GFRA1: variants seen among roughly 807,000 people sequenced by gnomAD.
GFRA1 encodes GDNF family receptor alpha 1, also known as GDNF family receptor alpha-1.
Under a neutral mutation model 51.6 loss-of-function variants are expected in GFRA1, and 16 were observed. The ratio of observed to expected loss-of-function variants is 0.31; its 90% CI spans 0.21 to 0.47. The LOEUF is 0.47. Ranked by LOEUF, GFRA1 falls within the 20% of genes least tolerant of loss-of-function variation. The pLI is 1.00. For synonymous variants in GFRA1, 270 were observed against 241.3 expected, an observed-to-expected ratio of 1.12 and a Z score of -1.10; for missense variants, 530 against 594.3, an observed-to-expected ratio of 0.89 and a Z score of 1.13.
chr10:116,115,794 G>T (rs1474855061), intron 6 of GFRA1, among the ~76,000 whole-genome samples: 1 of 152,186 alleles, frequency 6.6e-6, no homozygotes, highest in Non-Finnish European at 1.5e-5. Context: ...GGTTAGTTCA[G>T]GCCTGGGCTT....
intron 5 of GFRA1, among the ~76,000 whole-genome samples, chr10:116,169,860 C>T (rs1960856577): frequency 6.6e-6 from 1 of 152,154 alleles, no homozygotes; most frequent in Non-Finnish European, 1.5e-5. Context: ...AACACTTAGC[C>T]ATCCACAGAC....
chr10:116,241,445 A>C (rs1324903570), intron 4 of GFRA1, among the ~76,000 whole-genome samples: 1 of 152,232 alleles, frequency 6.6e-6, no homozygotes. Context: ...TGGTCTCAGA[A>C]GCCTCTGAGC....
intron 5 of GFRA1, among the ~76,000 whole-genome samples, chr10:116,185,774 C>A (rs117111168): frequency 1.3e-5 from 2 of 152,260 alleles, no homozygotes; most frequent in African/African-American, 4.8e-5. Flanking sequence ...ATCATTTGCA[C>A]GGGAATTCTA....
At chr10:116,128,961 T>G (rs926588022) in intron 5 of GFRA1, among the ~76,000 whole-genome samples, 1 of 152,154 alleles carries the variant, frequency 6.6e-6, no homozygotes, top group Non-Finnish European at 1.5e-5. Flanking sequence ...TGACTTAGCC[T>G]CACTTTCTAC....
intron 5 of GFRA1, among the ~76,000 whole-genome samples, chr10:116,147,341 T>C (rs1173481763): frequency 6.6e-6 from 1 of 152,104 alleles, no homozygotes; most frequent in Non-Finnish European, 1.5e-5. Context: ...GCCTGACAGA[T>C]CCTGTGGCAG....
intron 5 of GFRA1, among the ~76,000 whole-genome samples, chr10:116,141,008 A>G (rs2134091895): frequency 6.6e-6 from 1 of 152,372 alleles, no homozygotes; most frequent in East Asian, 1.9e-4. Context: ...ACAGAATGCT[A>G]CTGCTGAAAA....
Position 116,144,008 on chromosome 10 carries a change from A to C in GFRA1, c.434-18451T>G, listed in dbSNP as rs765890097. 6.6e-4 allele frequency among the ~76,000 whole-genome samples: 100 copies of C among 152,142 alleles called. 1 individual carries two copies. The highest frequency in any genetic ancestry group is 1.3e-3 in the Non-Finnish European group (89 of 68,026). On this transcript the variant is annotated intron_variant, in intron 5 of 10. Coordinates refer to ENST00000355422, the MANE Select transcript of GFRA1 (RefSeq NM_005264.8). ...CATCCCATTAAACTAGTGATGCTTA[A>C]ATTTTTTTGAGCATAACAGTCCCCT...
chr10:116,065,033 C>A (rs1318937269), intron 10 of GFRA1, among the ~76,000 whole-genome samples: 1 of 152,050 alleles, frequency 6.6e-6, no homozygotes, highest in Non-Finnish European at 1.5e-5. Context: ...GGATTCCCAG[C>A]CAGCACAGCT....
chr10:116,177,981 G>A (rs1011820226), intron 5 of GFRA1, among the ~76,000 whole-genome samples: 7 of 152,142 alleles, frequency 4.6e-5, no homozygotes, highest in African/African-American at 1.2e-4. Context: ...ATCCACTAAC[G>A]GCAGAGTCCA....
At position 116,272,094 on chromosome 10, in the gene GFRA1, G is replaced by A. The variant is rs544343378; in HGVS notation, c.-65C>T. The A allele has an allele frequency of 2.4e-4, 332 of 1,363,868 alleles. No individual in the cohort carries two copies. The African/African-American group carries it at 3.9e-3, about 16-fold the overall frequency. 84.5% of individuals were successfully genotyped at this position (1,363,868 alleles called of 1,614,324 possible). On this transcript the variant is annotated 5_prime_UTR_variant, in exon 2 of 11. Transcript: ENST00000355422. This position sits in a 1 kb window ranked among gnomAD's most constrained non-coding sequence, Gnocchi z 4.4. ...TCCCGAGCCGCCGCTGGGTCTTGCC[G>A]AGGGAGCTCAGCGTGCAGCGATCCC...
At chr10:116,091,682 C>T (rs1247598454) in intron 8 of GFRA1, among the ~76,000 whole-genome samples, 6 of 152,210 alleles carry the variant, frequency 3.9e-5, no homozygotes, top group Non-Finnish European at 7.3e-5. Flanking sequence ...TTGGCTTAAT[C>T]TGAACGGAGC....
chr10:116,170,711 A>G (rs778096536), intron 5 of GFRA1, among the ~76,000 whole-genome samples: 2 of 152,240 alleles, frequency 1.3e-5, no homozygotes, highest in African/African-American at 2.4e-5. Context: ...CCCGGTCTTA[A>G]TAAATCAAAT....
chr10:116,206,433 C>T (rs1031975903), intron 5 of GFRA1, among the ~76,000 whole-genome samples: 1 of 152,130 alleles, frequency 6.6e-6, no homozygotes, highest in African/African-American at 2.4e-5. Flanking sequence ...GTGGGCCCGT[C>T]ACCACAAGCC....
chr10:116,071,310 T>C (rs552452132), intron 9 of GFRA1, among the ~76,000 whole-genome samples: 1 of 152,318 alleles, frequency 6.6e-6, no homozygotes, highest in Admixed American at 6.5e-5. Flanking sequence ...AGCCAGAGGC[T>C]TTCATTACAT....
chr10:116,237,040 T>C (rs756538913), intron 4 of GFRA1, among the ~76,000 whole-genome samples: 5 of 152,244 alleles, frequency 3.3e-5, no homozygotes, highest in Non-Finnish European at 5.9e-5. Context: ...TATATGTATA[T>C]GCACTACATG....
intron 9 of GFRA1, among the ~76,000 whole-genome samples, chr10:116,071,786 C>T (rs577894748): frequency 5.3e-5 from 8 of 152,242 alleles, no homozygotes; most frequent in East Asian, 1.9e-4. Flanking sequence ...TATGTCTATA[C>T]GAAACTTTAC....
At chr10:116,264,270 C>A (rs1054312026) in intron 4 of GFRA1, among the ~76,000 whole-genome samples, 1 of 152,134 alleles carries the variant, frequency 6.6e-6, no homozygotes, top group African/African-American at 2.4e-5. Context: ...CCAAGCCTAC[C>A]CTCAAGCACT....
intron 4 of GFRA1, among the ~76,000 whole-genome samples, chr10:116,262,567 T>C (rs1386899982): frequency 1.3e-5 from 2 of 152,126 alleles, no homozygotes; most frequent in Non-Finnish European, 2.9e-5. Context: ...ATAGGAAAAA[T>C]TGGAAAAGGC....
At chr10:116,274,642 C>T (rs1241487521), upstream of GFRA1, among the ~76,000 whole-genome samples, 2 of 152,154 alleles carry the variant, frequency 1.3e-5, no homozygotes, top group Non-Finnish European at 2.9e-5. Context: ...GCCCCAAACC[C>T]GGGGGACATC....
Sources: allele counts gnomAD v4.1 joint callset (sites outside exome capture counted in the v4.1 genomes callset), GRCh38; gene constraint gnomAD v4.1.1; non-coding constraint Gnocchi (gnomAD v3.1); transcripts MANE v1.5; gene names NCBI Gene and HGNC (gene_info 2026-07-23, HGNC 2026-07-21).